The following EDA variants were observed in gnomAD, a reference collection of about 807,000 sequenced individuals.
EDA encodes the protein ectodysplasin-A.
A neutral mutation model predicts 23.6 loss-of-function variants in EDA; 2 were observed. The ratio of observed to expected loss-of-function variants is 0.08; its 90% CI spans 0.03 to 0.27. EDA has a LOEUF of 0.27. EDA is among the 10% of genes least tolerant of loss of function. The pLI is 1.00. For missense variants in EDA, 229 were observed against 324.2 expected, an observed-to-expected ratio of 0.71 and a Z score of 2.26; for synonymous variants, 131 against 132.0, an observed-to-expected ratio of 0.99 and a Z score of 0.05.
At chrX:69,922,110 G>A (rs1272447608) in intron 1 of EDA, among the ~76,000 whole-genome samples, 1 of 112,097 alleles carries the variant, frequency 8.9e-6, no homozygotes, top group East Asian at 2.8e-4. Context: ...TTTACATTTA[G>A]CCATGTCTTT....
intron 1 of EDA, among the ~76,000 whole-genome samples, chrX:69,780,227 G>T (rs1379766190): frequency 9.0e-6 from 1 of 111,050 alleles, no homozygotes; most frequent in Admixed American, 9.6e-5. Context: ...GTATATAAAT[G>T]CTGTATATGT....
At chrX:69,778,759 G>A (rs2014858456) in intron 1 of EDA, among the ~76,000 whole-genome samples, 1 of 111,432 alleles carries the variant, frequency 9.0e-6, no homozygotes, top group South Asian at 3.7e-4. Flanking sequence ...TTTTCTTAGT[G>A]ATGAAATTGA....
intron 1 of EDA, among the ~76,000 whole-genome samples, chrX:69,875,269 A>G: frequency 8.9e-6 from 1 of 112,138 alleles, no homozygotes; most frequent in Non-Finnish European, 1.9e-5. Context: ...CATGGTGCTG[A>G]TATAAAAATA....
chrX:69,741,261 C>A (rs917965971), intron 1 of EDA, among the ~76,000 whole-genome samples: 1 of 111,271 alleles, frequency 9.0e-6, no homozygotes, highest in African/African-American at 3.3e-5. Flanking sequence ...CCATTCTTTG[C>A]ATGTTTTGTA....
At chrX:69,792,877 G>T (rs1390999892) in intron 1 of EDA, among the ~76,000 whole-genome samples, 1 of 112,102 alleles carries the variant, frequency 8.9e-6, no homozygotes, top group Non-Finnish European at 1.9e-5. Flanking sequence ...TTAGTCCTTT[G>T]TCAGACACAT....
At chrX:69,888,277 AC>A (rs2017858949) in intron 1 of EDA, among the ~76,000 whole-genome samples, 1 of 111,194 alleles carries the variant, frequency 9.0e-6, no homozygotes, top group African/African-American at 3.3e-5. Context: ...TGACCACAAA[AC>A]AAAACCTATA....
chrX:69,910,167 T>C (rs976150956), intron 1 of EDA, among the ~76,000 whole-genome samples: 1 of 105,198 alleles, frequency 9.5e-6, no homozygotes, highest in African/African-American at 3.4e-5. Flanking sequence ...TAATTAATTA[T>C]TTTTTTTTTT....
chrX:69,957,337 CA>C (rs1035093979), intron 2 of EDA: 39 of 387,256 alleles, frequency 1.0e-4, no homozygotes, highest in East Asian at 2.3e-4. Flanking sequence ...ACTAAAAATA[CA>C]AAAAAAATTA....
intron 1 of EDA, among the ~76,000 whole-genome samples, chrX:69,785,154 CTT>C (rs1480405455): frequency 3.0e-5 from 3 of 101,072 alleles, no homozygotes; most frequent in African/African-American, 1.1e-4. Context: ...TATCCTGAGA[CTT>C]TGCTGAAGTT....
At chrX:69,927,453 T>A (rs753586806) in intron 1 of EDA, among the ~76,000 whole-genome samples, 115 of 111,983 alleles carry the variant, frequency 1.0e-3, no homozygotes, top group African/African-American at 3.3e-3. Flanking sequence ...TGAAAATTCT[T>A]TTCTAAGAAT....
chrX:69,746,247 C>A (rs747694755), intron 1 of EDA, among the ~76,000 whole-genome samples: 42 of 111,353 alleles, frequency 3.8e-4, no homozygotes, highest in Admixed American at 1.9e-4. Flanking sequence ...TCATGTTTGC[C>A]CCAGGTTGCC....
intron 6 of EDA, among the ~76,000 whole-genome samples, chrX:70,031,571 TA>T (rs935285689): frequency 3.4e-4 from 38 of 111,027 alleles, no homozygotes; most frequent in African/African-American, 1.2e-3. Flanking sequence ...AAAGGAAGGT[TA>T]AAAAAAACAG....
At chrX:69,825,895 T>G (rs757073441) in intron 1 of EDA, among the ~76,000 whole-genome samples, 4 of 109,960 alleles carry the variant, frequency 3.6e-5, no homozygotes, top group East Asian at 2.9e-4. Flanking sequence ...TCTGGTATGT[T>G]GTGTCTTTGT....
intron 1 of EDA, chrX:69,617,111 C>G (rs1476775494): frequency 3.4e-6 from 1 of 291,289 alleles, no homozygotes; most frequent in Admixed American, 5.8e-5. Flanking sequence ...CAGCAGGCTC[C>G]CCTTTGGAGT....
chrX:69,680,126 C>G (rs908483467), intron 1 of EDA, among the ~76,000 whole-genome samples: 1 of 107,320 alleles, frequency 9.3e-6, no homozygotes, highest in Non-Finnish European at 1.9e-5. Context: ...TGTAGTTGAG[C>G]GGTTTTGAGT....
chrX:69,968,522 G>A (rs989735338), intron 2 of EDA, among the ~76,000 whole-genome samples: 2 of 111,530 alleles, frequency 1.8e-5, no homozygotes, highest in Non-Finnish European at 3.8e-5. Context: ...TAGCCTAAGG[G>A]GGCCTTCAAA....
At chrX:69,656,048 T>C (rs1933311169) in intron 1 of EDA, among the ~76,000 whole-genome samples, 1 of 108,746 alleles carries the variant, frequency 9.2e-6, no homozygotes, top group Admixed American at 1.0e-4. Flanking sequence ...TTTCTCAAGC[T>C]CACCATTTGT....
intron 1 of EDA, among the ~76,000 whole-genome samples, chrX:69,840,216 G>T (rs2016865682): frequency 9.1e-6 from 1 of 110,328 alleles, no homozygotes; most frequent in African/African-American, 3.3e-5. Context: ...GCTTATTCAT[G>T]GCCAGCGAGA....
chrX:69,990,629 GT>G (rs974959477), intron 2 of EDA, among the ~76,000 whole-genome samples: 3 of 110,079 alleles, frequency 2.7e-5, no homozygotes, highest in Non-Finnish European at 5.7e-5. Flanking sequence ...GGGGCCACAG[GT>G]TTTTTTTCTG....
Sources: gnomAD v4.1 joint callset for allele counts (sites outside exome capture counted in the v4.1 genomes callset) on GRCh38, gnomAD v4.1.1 for gene constraint, MANE v1.5 for transcripts, NCBI Gene and HGNC (gene_info 2026-07-23, HGNC 2026-07-21) for gene names.